CYP2A7: variants seen among roughly 807,000 people sequenced by gnomAD.
CYP2A7 encodes the protein cytochrome P450 family 2 subfamily A member 7.
CYP2A7 carries 36 observed loss-of-function variants against 42.0 expected under a neutral mutation model. The observed-to-expected ratio is 0.86, with a 90% CI of 0.66 to 1.13. The LOEUF (loss-of-function observed/expected upper bound fraction) is 1.13, where lower values mean the gene tolerates loss of function less well. Ranked by LOEUF, CYP2A7 falls within the 50% of genes most tolerant of loss-of-function variation. The pLI is 0.00. For synonymous variants in CYP2A7, 260 were observed against 249.5 expected (o/e 1.04, Z -0.40); for missense variants, 661 against 634.1 (o/e 1.04, Z -0.46).
chr19:40,875,514 G>C lies in CYP2A7; in HGVS notation c.*179C>G, dbSNP rs1229721796. On this transcript the variant is annotated 3_prime_UTR_variant, in exon 9 of 9. Transcript: ENST00000301146. ...GTTTCCCTTCCTCTCATCCCAGCTC[G>C]GAAGCACCTTATCAAGGTGAACTGA... 2.9e-6 allele frequency: 2 copies of C among 693,644 alleles called. No homozygotes were observed. Among genetic ancestry groups the C allele is most frequent in the Non-Finnish European group, 2.4e-6 (1 of 409,466 alleles). 43.0% of individuals were successfully genotyped at this position (693,644 alleles called of 1,614,324 possible). A position where few individuals can be genotyped will look rare whatever the true frequency, so the allele number is the denominator to read the frequency against.
chr19:40,877,373 C>T lies in CYP2A7; in HGVS notation c.978G>A (p.Lys326=), dbSNP rs1967560008. The change falls in exon 7 of 9, where the codon AAG becomes AAA. Residue 326 remains lysine, a synonymous_variant. Coordinates refer to ENST00000301146, the MANE Select transcript of CYP2A7 (RefSeq NM_000764.3). The part of the protein sequence containing the change: ...LLMKHPEVEA[K]VHEEIDRVIG... ...TCACTCTGTCAATCTCCTCATGGAC[C>T]TTGGCTGGGGGAGGAGGGGGAATGT... 1 of 1,611,354 alleles carries T rather than the reference C, an allele frequency of 6.2e-7. No homozygotes were observed.
In CYP2A7 at chr19:40,880,222, G is replaced by A; in HGVS notation, c.516C>T (p.Phe172=). 1 of 1,612,964 alleles carries A rather than the reference G, an allele frequency of 6.2e-7. No individual in the cohort carries two copies. Among genetic ancestry groups the A allele is most frequent in the African/African-American group, 1.3e-5 (1 of 74,990 alleles). ...STHGANIDPT[F]FLSRTVSNVI... is the part of the protein sequence containing the mutation. The stretch of plus-strand genomic sequence containing the variant: ...CATTGGAGACTGTGCGGCTCAGGAA[G>A]AAGGTGGGATCGATATTGGCGCCTG... The change falls in exon 4 of 9, where the codon TTC becomes TTT. Residue 172 remains phenylalanine (F), a synonymous_variant. Coordinates refer to ENST00000301146, the MANE Select transcript of CYP2A7 (RefSeq NM_000764.3).
At position 40,875,711 on chromosome 19, in the gene CYP2A7, C is replaced by T. The variant is rs1222752013; in HGVS notation, c.1467G>A (p.Met489Ile). 4 of 1,609,492 alleles carry T rather than the reference C, an allele frequency of 2.5e-6. No individual in the cohort carries two copies. The African/African-American group carries it at 4.0e-5, about 16-fold the overall frequency. The change falls in exon 9 of 9, where the codon ATG becomes ATA. Residue 489 changes from methionine (M) to isoleucine (I), a missense_variant. Met to Ile is a conservative substitution (Grantham distance 10). Coordinates refer to ENST00000301146, the MANE Select transcript of CYP2A7 (RefSeq NM_000764.3). ...VFATIPRNYTMSFLPR is the reference protein window; with the variant it reads ...VFATIPRNYTISFLPR ...CCCTCGCTCAGCGGGGCAGGAAGCTCATGGTGTAGTTTCGTGGGATCGTGG... is the reference window on the plus strand; with the variant it reads ...CCCTCGCTCAGCGGGGCAGGAAGCTTATGGTGTAGTTTCGTGGGATCGTGG...
Position 40,875,854 on chromosome 19 carries a change from C to G in CYP2A7, c.1324G>C (p.Glu442Gln), listed in dbSNP as rs1166145588. 5.8e-6 allele frequency: 9 copies of G among 1,562,320 alleles called. No individual in the cohort carries two copies. The highest frequency in any genetic ancestry group is 7.8e-6 in the Non-Finnish European group (9 of 1,151,946). Reference protein sequence around the residue: ...FSIGKRNCFGEGLARMELFLF... With the variant: ...FSIGKRNCFGQGLARMELFLF... ...AAGAGCTCCATTCTGGCCAGGCCTT[C>G]TCCGAAACAGTTCCGCTTTCCTGAG... The change falls in exon 9 of 9, where the codon GAA becomes CAA. Residue 442 changes from glutamate (E) to glutamine (Q), a missense_variant. Physicochemically the swap from Glu to Gln is conservative, Grantham distance 29. Around this residue, in one of 3 missense-constraint regions of CYP2A7, gnomAD observed 25 missense variants for 62.4 expected, o/e 0.40. Transcript: ENST00000301146.
chr19:40,875,687 C>A lies in CYP2A7; in HGVS notation c.*6G>T. 2 of 1,610,980 alleles carry A rather than the reference C, an allele frequency of 1.2e-6. No individual in the cohort carries two copies. Among genetic ancestry groups the A allele is most frequent in the East Asian group, 4.5e-5 (2 of 44,884 alleles). On this transcript the variant is annotated 3_prime_UTR_variant, in exon 9 of 9. Coordinates refer to ENST00000301146, the MANE Select transcript of CYP2A7 (RefSeq NM_000764.3). ...CCCACCAGACCTGCACCGGCACAGC[C>A]CTCGCTCAGCGGGGCAGGAAGCTCA...
At chr19:40,876,415 CA>C (rs1967531253) in intron 8 of CYP2A7, 111 bp downstream of exon 8, 1 of 1,571,244 alleles carries the variant, frequency 6.4e-7, no homozygotes, top group Non-Finnish European at 8.7e-7. Context: ...TAGATTCTAA[CA>C]GGAACTTCCA....
In CYP2A7 at chr19:40,880,918, C is replaced by T. The variant is rs143369513; in HGVS notation, c.344-290G>A. 8.2e-5 allele frequency among the ~76,000 whole-genome samples: 12 copies of T among 146,946 alleles called. No homozygotes were observed. The East Asian group carries it at 1.0e-3, about 12-fold the overall frequency. ...GAAACAGAAAGGCCAGATAGAGATG[C>T]GCAGAGAAACAGAGGGATAAGGGGA... is the stretch of plus-strand genomic sequence containing the variant. On this transcript the variant is annotated intron_variant, in intron 2 of 8. Transcript: ENST00000301146.
intron 1 of CYP2A7, 80 bp downstream of exon 1, chr19:40,881,951 C>T (rs1207821624): frequency 8.4e-6 from 13 of 1,555,548 alleles, no homozygotes; most frequent in Non-Finnish European, 1.1e-5. Flanking sequence ...CTGGTCCACA[C>T]TGGTCAATCC....
chr19:40,880,531 C>G lies in CYP2A7; in HGVS notation c.441G>C (p.Glu147Asp), dbSNP rs201968585. 6 of 1,612,134 alleles carry G rather than the reference C, an allele frequency of 3.7e-6. No individual in the cohort carries two copies. In the Admixed American group the frequency reaches 1.0e-4, roughly 27 times the overall value. Residue 147 changes from glutamate (E) to aspartate (D), a missense_variant, in exon 3 of 9, where the codon GAG becomes GAC. Around this residue, in one of 3 missense-constraint regions of CYP2A7, gnomAD observed 614 missense variants for 552.4 expected, o/e 1.11. Transcript: ENST00000301146. ...GGAAGCCCGACTCCTCCTGGATGCGCTCCTCGATGCCTCGCTTGCCCACCC... is the reference window on the plus strand; with the variant it reads ...GGAAGCCCGACTCCTCCTGGATGCGGTCCTCGATGCCTCGCTTGCCCACCC... ...DFGVGKRGIEERIQEESGFLI... is the reference protein window; with the variant it reads ...DFGVGKRGIEDRIQEESGFLI...
At position 40,882,022 on chromosome 19, in the gene CYP2A7, T is replaced by G. The variant is rs199595700; in HGVS notation, c.180+9A>C. The G allele has an allele frequency of 8.7e-5, 140 of 1,610,306 alleles. No homozygotes were observed. Among genetic ancestry groups the G allele is most frequent in the Non-Finnish European group, 1.1e-4 (135 of 1,177,568 alleles). ...ACCCTGTGCCACCCATCTTCCTGCCTTGGGACACCTTCATGATGGAGTCAC... is the reference window on the plus strand; with the variant it reads ...ACCCTGTGCCACCCATCTTCCTGCCGTGGGACACCTTCATGATGGAGTCAC... On this transcript the variant is annotated intron_variant, in intron 1 of 8. Transcript: ENST00000301146.
At position 40,877,248 on chromosome 19, in the gene CYP2A7, A is replaced by G. The variant is rs2261144; in HGVS notation, c.1103T>C (p.Met368Thr). The G allele has an allele frequency of 0.33, 534,296 of 1,612,260 alleles. 97,635 individuals carry two copies. The highest frequency in any genetic ancestry group is 0.43 in the Admixed American group (25,621 of 59,822). The change falls in exon 7 of 9, where the codon ATG becomes ACG. Residue 368 changes from methionine to threonine, a missense_variant. Physicochemically the swap from Met to Thr is moderately conservative, Grantham distance 81. Transcript: ENST00000301146. ...CTTTTTAACCCTGCGGGCCAAACTC[A>G]TGGGGATCACGTCTCCAAATCTTTG... ...EIQRFGDVIPMSLARRVKKDT... is the reference protein window; with the variant it reads ...EIQRFGDVIPTSLARRVKKDT...
chr19:40,879,863 T>C (rs2545781), intron 4 of CYP2A7, among the ~76,000 whole-genome samples: 114,490 of 148,736 alleles, frequency 0.77, 44,661 homozygotes, highest in African/African-American at 0.82. Context: ...TGAGGGTATG[T>C]ATCCTACCAG....
At chr19:40,881,407 G>C (rs1382082279) in intron 2 of CYP2A7, among the ~76,000 whole-genome samples, 182 bp downstream of exon 2, 1 of 151,576 alleles carries the variant, frequency 6.6e-6, no homozygotes, top group Non-Finnish European at 1.5e-5. Flanking sequence ...ATCACGACAG[G>C]GACGCTGGAG....
chr19:40,878,169 A>C (rs1056000588), intron 5 of CYP2A7, among the ~76,000 whole-genome samples, 176 bp from the exon 6 acceptor site: 14 of 151,212 alleles, frequency 9.3e-5, no homozygotes, highest in African/African-American at 3.4e-4. Context: ...GCTTTGCCCA[A>C]AATGCTCTTT....
chr19:40,881,933 C>T, intron 1 of CYP2A7, 98 bp downstream of exon 1: 3 of 1,521,574 alleles, frequency 2.0e-6, no homozygotes, highest in Non-Finnish European at 2.7e-6. Context: ...ACTCCCTTTC[C>T]TAAGACTCTG....
chr19:40,879,771 CAGA>C (rs1263324864), intron 4 of CYP2A7, among the ~76,000 whole-genome samples: 1 of 151,152 alleles, frequency 6.6e-6, no homozygotes, highest in African/African-American at 2.4e-5. Flanking sequence ...TTAAAATATT[CAGA>C]AGAACTGGGT....
rs767533564 is a variant in CYP2A7, at chr19:40,876,660, T to C, written c.1170A>G (p.Glu390=). Residue 390 remains glutamate, a synonymous_variant, in exon 8 of 9, where the codon GAA becomes GAG. Coordinates refer to ENST00000301146, the MANE Select transcript of CYP2A7 (RefSeq NM_000764.3). The part of the protein sequence containing the change: ...FRDFFLPKGT[E]VFPMLGSVLR... ...GCACGGAGCCCAGCATAGGGAACAC[T>C]TCGGTGCCCTGGTAGGGAGGAGGAA... The C allele has an allele frequency of 4.3e-6, 7 of 1,611,906 alleles. No individual in the cohort carries two copies. The South Asian group carries it at 6.6e-5, about 15-fold the overall frequency.
rs745949055 is a variant in CYP2A7 at position 40,882,030 on chromosome 19, C to T, written c.180+1G>A. 12 of 1,612,024 alleles carry T rather than the reference C, an allele frequency of 7.4e-6. No homozygotes were observed. The highest frequency in any genetic ancestry group is 1.7e-5 in the Admixed American group (1 of 59,934). On this transcript the variant is annotated splice_donor_variant, in intron 1 of 8. Transcript: ENST00000301146. LOFTEE classifies it high-confidence loss of function. The stretch of plus-strand genomic sequence containing the variant: ...CCACCCATCTTCCTGCCTTGGGACA[C>T]CTTCATGATGGAGTCACATATGTGC...
rs552957332 is a variant in CYP2A7 at position 40,877,978 on chromosome 19, T to G, written c.847A>C (p.Asn283His). ...IHMQEEEKNP[N>H]TEFYLKNLMM... Reference sequence around the variant, plus strand: ...AGGTTCTTCAAGTAGAACTCCGTGTTGGGGTTCTTCTCCTCCTGCAGGGAG... The same window carrying G: ...AGGTTCTTCAAGTAGAACTCCGTGTGGGGGTTCTTCTCCTCCTGCAGGGAG... The change falls in exon 6 of 9, where the codon AAC becomes CAC. Residue 283 changes from asparagine (N) to histidine (H), a missense_variant. By Grantham distance (68) the Asn-to-His change is moderately conservative (BLOSUM62 1). Transcript: ENST00000301146. The G allele has an allele frequency of 1.2e-6, 2 of 1,611,508 alleles. No individual in the cohort carries two copies. Among genetic ancestry groups the G allele is most frequent in the Admixed American group, 3.4e-5 (2 of 59,344 alleles).
Sources: gnomAD v4.1 joint callset for allele counts (sites outside exome capture counted in the v4.1 genomes callset) on GRCh38, gnomAD v4.1.1 for gene constraint, gnomAD v4.1.1 regional missense constraint, MANE v1.5 for transcripts, NCBI Gene and HGNC (gene_info 2026-07-23, HGNC 2026-07-21) for gene names.